RBBP6: variants seen among roughly 807,000 people sequenced by gnomAD.
The protein encoded by RBBP6 is RB binding protein 6, ubiquitin ligase.
RBBP6 carries 25 observed loss-of-function variants against 167.7 expected under a neutral mutation model. The ratio of observed to expected loss-of-function variants is 0.15; its 90% confidence interval spans 0.11 to 0.21. RBBP6 has a LOEUF of 0.21. RBBP6 is among the 10% of genes least tolerant of loss of function. The pLI is 1.00. For synonymous variants in RBBP6, 789 were observed against 735.8 expected (o/e 1.07, Z -1.17); for missense variants, 1,868 against 2,134.2 (o/e 0.88, Z 2.46).
intron 3 of RBBP6, chr16:24,549,448 T>C: frequency 4.4e-6 from 4 of 908,710 alleles, no homozygotes; most frequent in Non-Finnish European, 5.3e-6. Context: ...GTTAGTTTTT[T>C]TTTTCCTGCC....
chr16:24,568,212 T>TA (rs1188518034), intron 16 of RBBP6, among the ~76,000 whole-genome samples: 1 of 152,180 alleles, frequency 6.6e-6, no homozygotes, highest in Non-Finnish European at 1.5e-5. Flanking sequence ...CCAGGACCCT[T>TA]TTACCATAAG....
chr16:24,563,775 T>A, intron 13 of RBBP6, 111 bp downstream of exon 13: 2 of 883,370 alleles, frequency 2.3e-6, no homozygotes, highest in Admixed American at 6.3e-5. Context: ...AGCGGGTCGC[T>A]GCTCTTTATT....
At chr16:24,554,300 C>T (rs1393838401) in intron 4 of RBBP6, 2 of 140,076 alleles carry the variant, frequency 1.4e-5, no homozygotes, top group Non-Finnish European at 3.2e-5. Flanking sequence ...GCAAATTGTG[C>T]CTTTAAAAAA....
At chr16:24,570,803 TTTATA>T in intron 17 of RBBP6, 68 bp from the exon 18 acceptor site, 1 of 1,200,558 alleles carries the variant, frequency 8.3e-7, no homozygotes, top group Admixed American at 3.5e-5. Context: ...AGTTAGCATT[TTTATA>T]TTTATCAGTG....
At chr16:24,553,474 GT>G in intron 3 of RBBP6, 38 bp from the exon 4 acceptor site, 1 of 1,580,526 alleles carries the variant, frequency 6.3e-7, no homozygotes. Flanking sequence ...GATGTTTTCA[GT>G]TTGGAACTTG....
Position 24,555,875 on chromosome 16 carries a change from T to C in RBBP6, c.492T>C (p.Cys164=), listed in dbSNP as rs1490062003. 2 of 1,610,646 alleles carry C rather than the reference T, an allele frequency of 1.2e-6. No individual in the cohort carries two copies. Among genetic ancestry groups the C allele is most frequent in the Admixed American group, 1.7e-5 (1 of 60,018 alleles). Residue 164 remains cysteine, a synonymous_variant, in exon 6 of 18, where the codon TGT becomes TGC. Coordinates refer to ENST00000319715, the MANE Select transcript of RBBP6 (RefSeq NM_006910.5). The stretch of plus-strand genomic sequence containing the variant: ...CTCCATCTTACACGTGTTTCCGTTG[T>C]GGTAAACCTGGACATTATATTAAGA... The part of the protein sequence containing the change: ...PPPPSYTCFR[C]GKPGHYIKNC...
chr16:24,553,586 A>C, intron 4 of RBBP6, 29 bp downstream of exon 4: 1 of 1,510,644 alleles, frequency 6.6e-7, no homozygotes, highest in Non-Finnish European at 9.0e-7. Context: ...TCTTGAAAAT[A>C]TAAGTTTTTT....
At chr16:24,564,948 G>C (rs1899157411) in intron 14 of RBBP6, 83 bp downstream of exon 14, 1 of 1,513,950 alleles carries the variant, frequency 6.6e-7, no homozygotes, top group South Asian at 1.3e-5. Flanking sequence ...CACAGCAGTG[G>C]CAGGAAGGAA....
rs1899071439 is a variant in RBBP6, at chr16:24,562,009, C to A, written c.1137C>A (p.His379Gln). Reference sequence around the variant, plus strand: ...TTCCAGTGACATCTTCATCAACTCACCCAGCTCCGTCTATATCTTCATTAA... The same window carrying A: ...TTCCAGTGACATCTTCATCAACTCAACCAGCTCCGTCTATATCTTCATTAA... Reference protein sequence around the residue: ...LMIPVTSSSTHPAPSISSLTS... With the variant: ...LMIPVTSSSTQPAPSISSLTS... Residue 379 changes from histidine to glutamine, a missense_variant, in exon 10 of 18, where the codon CAC becomes CAA. By Grantham distance (24) the His-to-Gln change is conservative. Around this residue, in one of 7 missense-constraint regions of RBBP6, gnomAD observed 245 missense variants for 240.1 expected, o/e 1.02. Coordinates refer to ENST00000319715, the MANE Select transcript of RBBP6 (RefSeq NM_006910.5). 6.2e-7 allele frequency: 1 copy of A among 1,613,586 alleles called. No individual in the cohort carries two copies. Among genetic ancestry groups the A allele is most frequent in the Non-Finnish European group, 8.5e-7 (1 of 1,179,558 alleles).
intron 9 of RBBP6, 22 bp from the exon 10 acceptor site, chr16:24,561,802 T>TTATTA (rs1175543799): frequency 6.2e-7 from 1 of 1,606,550 alleles, no homozygotes; most frequent in Non-Finnish European, 8.5e-7. Flanking sequence ...TTTTTCTGCA[T>TTATTA]TATTATGCTT....
chr16:24,567,348 G>A lies in RBBP6; in HGVS notation c.1795G>A (p.Val599Ile). 2 of 1,614,002 alleles carry A rather than the reference G, an allele frequency of 1.2e-6. No homozygotes were observed. The highest frequency in any genetic ancestry group is 3.3e-5 in the Admixed American group (2 of 60,010). Residue 599 changes from valine (V) to isoleucine (I), a missense_variant, in exon 15 of 18, where the codon GTC (valine) becomes ATC (isoleucine). Physicochemically the swap from Val to Ile is conservative, Grantham distance 29. Coordinates refer to ENST00000319715, the MANE Select transcript of RBBP6 (RefSeq NM_006910.5). ...CCAGCCACCACCCGCTGGGTATAGT[G>A]TCCCTCCTCCAGGGTTTCCTCCAGC... ...PGQPPPAGYS[V>I]PPPGFPPAPA... is the part of the protein sequence containing the mutation.
chr16:24,571,567 C>T lies in RBBP6; in HGVS notation c.4501C>T (p.Pro1501Ser). 1.2e-6 allele frequency: 2 copies of T among 1,612,836 alleles called. No individual in the cohort carries two copies. The highest frequency in any genetic ancestry group is 4.5e-5 in the East Asian group (2 of 44,856). The change falls in exon 18 of 18, where the codon CCT becomes TCT. Residue 1501 changes from proline (P) to serine (S), a missense_variant. By Grantham distance (74) the Pro-to-Ser change is moderately conservative. Around this residue, in one of 7 missense-constraint regions of RBBP6, gnomAD observed 591 missense variants for 540.5 expected, o/e 1.09. Transcript: ENST00000319715. ...KNELTRRKDS[P>S]SRNKDSASGQ... Reference sequence around the variant, plus strand: ...TGAATTAACAAGACGAAAAGACTCTCCTTCTCGGAATAAAGATTCTGCATC... The same window carrying T: ...TGAATTAACAAGACGAAAAGACTCTTCTTCTCGGAATAAAGATTCTGCATC...
intron 1 of RBBP6, among the ~76,000 whole-genome samples, chr16:24,542,235 C>G (rs1411971194): frequency 6.6e-6 from 1 of 152,084 alleles, no homozygotes; most frequent in Non-Finnish European, 1.5e-5. Flanking sequence ...TTAACTACAA[C>G]AGTCACATTT....
In RBBP6 at chr16:24,569,516, G is replaced by A; in HGVS notation, c.2826G>A (p.Gly942=). Residue 942 remains glycine (G), a synonymous_variant, in exon 17 of 18, where the codon GGG becomes GGA. Transcript: ENST00000319715. ...KHKKHRKRRK[G]EESEGFLNPE... is the part of the protein sequence containing the mutation. ...AGAAACACAGAAAAAGAAGAAAAGG[G>A]GAGGAAAGTGAGGGTTTTCTGAACC... The A allele has an allele frequency of 6.2e-7, 1 of 1,610,426 alleles. No homozygotes were observed. The highest frequency in any genetic ancestry group is 8.5e-7 in the Non-Finnish European group (1 of 1,179,162).
In RBBP6 at chr16:24,571,218, C is replaced by T. The variant is rs748943781; in HGVS notation, c.4152C>T (p.Ile1384=). The T allele has an allele frequency of 6.8e-6, 11 of 1,613,400 alleles. No individual in the cohort carries two copies. The highest frequency in any genetic ancestry group is 6.7e-5 in the African/African-American group (5 of 74,796). ...TCACCAAGGACGTGAGCCATGAAAT[C>T]ATACAACATGAGGTTAAAAGTTCAA... is the stretch of plus-strand genomic sequence containing the variant. ...QKFTKDVSHE[I]IQHEVKSSKN... The change falls in exon 18 of 18, where the codon ATC becomes ATT. Residue 1384 remains isoleucine, a synonymous_variant. Coordinates refer to ENST00000319715, the MANE Select transcript of RBBP6 (RefSeq NM_006910.5).
chr16:24,548,037 T>A (rs1242294232), intron 2 of RBBP6, among the ~76,000 whole-genome samples: 2 of 152,136 alleles, frequency 1.3e-5, no homozygotes, highest in Non-Finnish European at 2.9e-5. Flanking sequence ...AGCTCAGTTT[T>A]TTTTTTATCT....
At chr16:24,564,105 T>G (rs929768743) in intron 13 of RBBP6, among the ~76,000 whole-genome samples, 2 of 152,156 alleles carry the variant, frequency 1.3e-5, no homozygotes, top group African/African-American at 4.8e-5. Context: ...CAAACAAAAA[T>G]TTTTTGTCTG....
At chr16:24,549,134 G>A (rs1898736957) in intron 3 of RBBP6, 153 bp downstream of exon 3, 1 of 1,477,712 alleles carries the variant, frequency 6.8e-7, no homozygotes, top group African/African-American at 1.4e-5. Context: ...GTTGAATATG[G>A]ATAATATGTG....
At chr16:24,548,068 C>T (rs533483169) in intron 2 of RBBP6, among the ~76,000 whole-genome samples, 4 of 151,954 alleles carry the variant, frequency 2.6e-5, no homozygotes, top group African/African-American at 9.7e-5. Context: ...ATTATACACA[C>T]ACCTAGAAAC....
Sources: gnomAD v4.1 joint callset for allele counts (sites outside exome capture counted in the v4.1 genomes callset) on GRCh38, gnomAD v4.1.1 for gene constraint, gnomAD v4.1.1 regional missense constraint, MANE v1.5 for transcripts, NCBI Gene and HGNC (gene_info 2026-07-23, HGNC 2026-07-21) for gene names.